OTUD7A: variants seen among roughly 807,000 people sequenced by gnomAD.
The protein encoded by OTUD7A is OTU deubiquitinase 7A, also known as OTU domain-containing protein 7A.
OTUD7A carries 12 observed loss-of-function variants against 65.7 expected under a neutral mutation model. The ratio of observed to expected loss-of-function variants is 0.18; its 90% CI spans 0.12 to 0.30. The LOEUF (loss-of-function observed/expected upper bound fraction) is 0.30. OTUD7A is among the 10% of genes least tolerant of loss of function. OTUD7A has a pLI of 1.00. For synonymous variants in OTUD7A, 641 were observed against 586.3 expected (o/e 1.09, Z -1.35); for missense variants, 1,148 against 1,304.8 (o/e 0.88, Z 1.85).
At chr15:31,526,551 G>A (rs555062654) in intron 7 of OTUD7A, 90 bp from the exon 8 acceptor site, 117 of 1,080,582 alleles carry the variant, frequency 1.1e-4, no homozygotes, top group Middle Eastern at 8.5e-4. Context: ...CAGCCTCACC[G>A]GGACCCAGGC....
At chr15:31,614,246 T>C (rs1018628669) in intron 3 of OTUD7A, among the ~76,000 whole-genome samples, 4 of 151,974 alleles carry the variant, frequency 2.6e-5, no homozygotes, top group African/African-American at 9.7e-5. Context: ...AGATCACCAC[T>C]AAAGAACTTA....
intron 8 of OTUD7A, among the ~76,000 whole-genome samples, chr15:31,525,852 G>A (rs1162764127): frequency 6.6e-6 from 1 of 152,190 alleles, no homozygotes; most frequent in Non-Finnish European, 1.5e-5. Context: ...AATATCCATG[G>A]AGCCCATCTG....
At chr15:31,863,250 G>T (rs1897791630) in intron 1 of OTUD7A, among the ~76,000 whole-genome samples, 2 of 152,096 alleles carry the variant, frequency 1.3e-5, no homozygotes, top group Non-Finnish European at 2.9e-5. Context: ...GCAAAGTGTT[G>T]GTGGATCTCC....
chr15:31,631,321 A>C (rs1891146054), intron 3 of OTUD7A, among the ~76,000 whole-genome samples: 1 of 152,146 alleles, frequency 6.6e-6, no homozygotes, highest in African/African-American at 2.4e-5. Context: ...TTGTCTGTAA[A>C]GTATTTTATT....
Position 31,487,140 on chromosome 15 carries a change from G to C in OTUD7A, c.1371+54C>G. ...GAGGATGCACCCTGGTCAGACTGGA[G>C]CTGAGCAGCCTGGACCCTGCTGCCA... On this transcript the variant is annotated intron_variant, in intron 12 of 12. Coordinates refer to ENST00000307050, the MANE Select transcript of OTUD7A (RefSeq NM_001382637.1). The surrounding 1 kb of genome is among the most constrained non-coding windows in gnomAD (Gnocchi z 6.0). The C allele has an allele frequency of 1.3e-6, 2 of 1,541,134 alleles. No homozygotes were observed. The highest frequency in any genetic ancestry group is 1.8e-6 in the Non-Finnish European group (2 of 1,119,098).
chr15:31,503,440 C>T (rs889829569), intron 9 of OTUD7A, among the ~76,000 whole-genome samples: 1 of 152,194 alleles, frequency 6.6e-6, no homozygotes, highest in Non-Finnish European at 1.5e-5. Context: ...ACAGGAGCCC[C>T]TCTGGGCTTG....
chr15:31,674,450 C>T (rs112299242), intron 1 of OTUD7A, among the ~76,000 whole-genome samples: 5 of 152,190 alleles, frequency 3.3e-5, no homozygotes, highest in Admixed American at 2.0e-4. Flanking sequence ...TAGAAGGCAA[C>T]GGGCAGGTGC....
chr15:31,738,703 G>C (rs1161937359), intron 1 of OTUD7A, among the ~76,000 whole-genome samples: 1 of 152,178 alleles, frequency 6.6e-6, no homozygotes, highest in Non-Finnish European at 1.5e-5. Context: ...GTTGACTCCT[G>C]AAATCCAGCC....
chr15:31,776,708 A>G (rs560457583), intron 1 of OTUD7A, among the ~76,000 whole-genome samples: 136 of 152,274 alleles, frequency 8.9e-4, no homozygotes, highest in African/African-American at 3.2e-3. Flanking sequence ...GTGTACTGTG[A>G]CTGCCAGGGT....
chr15:31,835,815 TACAC>T (rs1254655360), intron 1 of OTUD7A, among the ~76,000 whole-genome samples: 1 of 151,892 alleles, frequency 6.6e-6, no homozygotes, highest in East Asian at 1.9e-4. Flanking sequence ...TATGTAAACA[TACAC>T]ACACAGACAC....
At chr15:31,865,089 A>T (rs1897844813) in intron 1 of OTUD7A, among the ~76,000 whole-genome samples, 1 of 152,246 alleles carries the variant, frequency 6.6e-6, no homozygotes. Context: ...AGCTGGAAGC[A>T]TGTCTCATTT....
In OTUD7A at chr15:31,530,783, C is replaced by T. The variant is rs1290455159; in HGVS notation, c.576G>A (p.Val192=). Residue 192 remains valine (V), a synonymous_variant, in exon 6 of 13, where the codon GTG becomes GTA. Transcript: ENST00000307050. ...GAAGAAGCCGTTTACAGCTCGTGCA[C>T]ACAGTGGACCACCAGTTCAGGCGAC... ...QAGRLNWWST[V]CTSCKRLLPL... is the part of the protein sequence containing the mutation. The T allele has an allele frequency of 6.2e-7, 1 of 1,614,068 alleles. No homozygotes were observed. Among genetic ancestry groups the T allele is most frequent in the South Asian group, 1.1e-5 (1 of 91,068 alleles).
At chr15:31,637,721 G>A (rs1344156233) in intron 3 of OTUD7A, among the ~76,000 whole-genome samples, 1 of 152,220 alleles carries the variant, frequency 6.6e-6, no homozygotes, top group East Asian at 1.9e-4. Context: ...ATTAACAGGA[G>A]TTTGTAAGAA....
At chr15:31,691,594 G>A (rs1388006501) in intron 1 of OTUD7A, among the ~76,000 whole-genome samples, 2 of 149,568 alleles carry the variant, frequency 1.3e-5, no homozygotes, top group Non-Finnish European at 3.0e-5. Context: ...CTCTAAAATG[G>A]ATTAAAGGCT....
chr15:31,671,948 T>C (rs1005930920), intron 1 of OTUD7A, among the ~76,000 whole-genome samples: 12 of 152,100 alleles, frequency 7.9e-5, no homozygotes, highest in African/African-American at 2.4e-4. Context: ...GGTCCCGGAG[T>C]CTGTTGTTCC....
At chr15:31,836,628 A>G (rs1897061541) in intron 1 of OTUD7A, among the ~76,000 whole-genome samples, 1 of 152,206 alleles carries the variant, frequency 6.6e-6, no homozygotes, top group Admixed American at 6.5e-5. Flanking sequence ...AGCAATATGT[A>G]AAAAGAATTA....
intron 3 of OTUD7A, among the ~76,000 whole-genome samples, chr15:31,623,816 C>A (rs1890873873): frequency 6.6e-6 from 1 of 152,224 alleles, no homozygotes; most frequent in Non-Finnish European, 1.5e-5. Context: ...AACCCGGTAC[C>A]TCAGTTGGAA....
At chr15:31,560,207 G>C (rs892707044) in intron 4 of OTUD7A, among the ~76,000 whole-genome samples, 4 of 152,230 alleles carry the variant, frequency 2.6e-5, no homozygotes, top group African/African-American at 9.6e-5. Context: ...CAGGTTTTAA[G>C]ACAGGTTGTT....
At chr15:31,494,034 A>G (rs1013423418) in intron 10 of OTUD7A, among the ~76,000 whole-genome samples, 5 of 152,276 alleles carry the variant, frequency 3.3e-5, no homozygotes, top group African/African-American at 4.8e-5. Context: ...CCAGCCCCTG[A>G]GGATCGGGCC....
Sources: allele counts gnomAD v4.1 joint callset (sites outside exome capture counted in the v4.1 genomes callset), GRCh38; gene constraint gnomAD v4.1.1; non-coding constraint Gnocchi (gnomAD v3.1); transcripts MANE v1.5; gene names NCBI Gene and HGNC (gene_info 2026-07-23, HGNC 2026-07-21).